NOD2: variants seen among roughly 807,000 people sequenced by gnomAD.
NOD2 encodes the protein nucleotide-binding oligomerization domain-containing protein 2.
A neutral mutation model predicts 90.9 loss-of-function variants in NOD2; 86 were observed. That is an observed-to-expected ratio of 0.95 (90% CI 0.79 to 1.13). The LOEUF (loss-of-function observed/expected upper bound fraction) is 1.13. Among genes scored for constraint, NOD2 ranks in the 50% most tolerant of loss-of-function variants. The pLI is 0.00. For synonymous variants in NOD2, 581 were observed against 554.6 expected (o/e 1.05, Z -0.67); for missense variants, 1,238 against 1,283.8 (o/e 0.96, Z 0.55).
chr16:50,708,600 G>T (rs1722250250), intron 3 of NOD2, among the ~76,000 whole-genome samples: 1 of 152,196 alleles, frequency 6.6e-6, no homozygotes, highest in East Asian at 1.9e-4. Flanking sequence ...ATTGTAAATT[G>T]TCCCCACCTA....
chr16:50,730,548 T>A (rs1193535913), intron 11 of NOD2, among the ~76,000 whole-genome samples: 1 of 152,232 alleles, frequency 6.6e-6, no homozygotes, highest in Non-Finnish European at 1.5e-5. Context: ...CCTAATGTGC[T>A]GTAAGTGAAT....
At chr16:50,717,557 C>G (rs376755830) in intron 6 of NOD2, among the ~76,000 whole-genome samples, 6 of 152,308 alleles carry the variant, frequency 3.9e-5, no homozygotes, top group South Asian at 4.1e-4. Flanking sequence ...ATATTCTTGC[C>G]TCCTGTGATT....
At chr16:50,729,932 C>T in intron 11 of NOD2, 31 bp downstream of exon 11, 1 of 1,533,916 alleles carries the variant, frequency 6.5e-7, no homozygotes, top group South Asian at 1.1e-5. Flanking sequence ...TGTTTTAGCT[C>T]TCCGAACCTC....
chr16:50,713,326 A>G (rs530853321), intron 4 of NOD2: 2 of 152,252 alleles, frequency 1.3e-5, no homozygotes, highest in Admixed American at 6.5e-5. Flanking sequence ...CCACTTCCTG[A>G]GAGTATTAGG....
intron 7 of NOD2, among the ~76,000 whole-genome samples, chr16:50,721,652 C>T (rs1289941591): frequency 6.6e-6 from 1 of 151,972 alleles, no homozygotes; most frequent in African/African-American, 2.4e-5. Context: ...GCCACCATGC[C>T]TGGCCGATAT....
At chr16:50,716,813 G>C in intron 5 of NOD2, 78 bp from the exon 6 acceptor site, 1 of 1,516,704 alleles carries the variant, frequency 6.6e-7, no homozygotes, top group Non-Finnish European at 9.2e-7. Context: ...GCCCAGAGGG[G>C]AAGGGCAACC....
In NOD2 at chr16:50,716,942, C is replaced by T; in HGVS notation, c.2517C>T (p.Leu839=). 1 of 1,614,232 alleles carries T rather than the reference C, an allele frequency of 6.2e-7. No individual in the cohort carries two copies. The highest frequency in any genetic ancestry group is 1.6e-4 in the Middle Eastern group (1 of 6,062). Residue 839 remains leucine (L), a synonymous_variant, in exon 6 of 12, where the codon CTC becomes CTT. Transcript: ENST00000647318. ...GCTGTGCACACTCCATGGCTAAGCT[C>T]CTTGCATGCAGGCAGAACTTCTTGG... is the stretch of plus-strand genomic sequence containing the variant. ...TDGCAHSMAK[L]LACRQNFLAL...
intron 3 of NOD2, chr16:50,709,855 TGC>T: frequency 2.3e-6 from 1 of 431,158 alleles, no homozygotes; most frequent in Non-Finnish European, 4.7e-6. Flanking sequence ...TTTGAGAGTT[TGC>T]CATGTCAGAT....
At chr16:50,695,787 G>A (rs1004398596) in intron 1 of NOD2, among the ~76,000 whole-genome samples, 2 of 152,006 alleles carry the variant, frequency 1.3e-5, no homozygotes, top group Non-Finnish European at 2.9e-5. Context: ...GAGCAAGCAG[G>A]CTGAGGGCTG....
rs367632486 is a variant in NOD2, at chr16:50,726,997, G to A, written c.2885+1425G>A. 1.4e-4 allele frequency among the ~76,000 whole-genome samples: 21 copies of A among 152,014 alleles called. No homozygotes were observed. In the South Asian group the frequency reaches 1.7e-3, roughly 12 times the overall value. ...CTCTACTAAAAATACAAAATTAGCCGGGCGTGGTGGCATACACCTGTAATC... is the reference window on the plus strand; with the variant it reads ...CTCTACTAAAAATACAAAATTAGCCAGGCGTGGTGGCATACACCTGTAATC... On this transcript the variant is annotated intron_variant, in intron 10 of 11. Transcript: ENST00000647318.
In NOD2 at chr16:50,716,949, T is replaced by C. The variant is rs780077950; in HGVS notation, c.2524T>C (p.Cys842Arg). 1 of 1,614,268 alleles carries C rather than the reference T, an allele frequency of 6.2e-7. No homozygotes were observed. The highest frequency in any genetic ancestry group is 1.1e-5 in the South Asian group (1 of 91,090). Residue 842 changes from cysteine (C) to arginine (R), a missense_variant, in exon 6 of 12, where the codon TGC becomes CGC. Physicochemically the swap from Cys to Arg is radical, Grantham distance 180. This residue lies in a region of NOD2 where 667 missense variants were observed against 688.7 expected (regional missense o/e 0.97). Coordinates refer to ENST00000647318, the MANE Select transcript of NOD2 (RefSeq NM_001370466.1). ...ACACTCCATGGCTAAGCTCCTTGCA[T>C]GCAGGCAGAACTTCTTGGCATTGAG... ...CAHSMAKLLA[C>R]RQNFLALRLG...
rs143131977 is a variant in NOD2 at position 50,719,451 on chromosome 16, C to T, written c.2550-474C>T. On this transcript the variant is annotated intron_variant, in intron 6 of 11. Transcript: ENST00000647318. ...TTGGCCCTCCCTCTCTCCTTCCTTTCTGGAAGGCTCAGTGGGCCCCACCCC... is the reference window on the plus strand; with the variant it reads ...TTGGCCCTCCCTCTCTCCTTCCTTTTTGGAAGGCTCAGTGGGCCCCACCCC... 4.2e-4 allele frequency among the ~76,000 whole-genome samples: 64 copies of T among 152,186 alleles called. No homozygotes were observed. The South Asian group carries it at 5.0e-3, about 12-fold the overall frequency.
chr16:50,716,398 C>T (rs1964794466), intron 4 of NOD2, among the ~76,000 whole-genome samples, 189 bp from the exon 5 acceptor site: 1 of 152,288 alleles, frequency 6.6e-6, no homozygotes, highest in Middle Eastern at 3.4e-3. Context: ...CATCATAGTG[C>T]ACCACGTCAC....
intron 2 of NOD2, among the ~76,000 whole-genome samples, chr16:50,706,698 C>CTTTTT (rs529592403): frequency 7.1e-6 from 1 of 140,582 alleles, no homozygotes. Context: ...CTATTTCTTT[C>CTTTTT]TTTTTTTTTT....
Position 50,708,107 on chromosome 16 carries a change from AC to A in NOD2, c.565+151del. 1.9e-5 allele frequency: 13 copies of A among 695,826 alleles called. 1 individual carries two copies. Among genetic ancestry groups the A allele is most frequent in the South Asian group, 1.6e-4 (11 of 66,752 alleles). The allele number at this position is 695,826 out of a possible 1,614,324, so 43.1% of individuals were successfully genotyped here. A position where few individuals can be genotyped will look rare whatever the true frequency, so the allele number is the denominator to read the frequency against. On this transcript the variant is annotated intron_variant, in intron 3 of 11. Coordinates refer to ENST00000647318, the MANE Select transcript of NOD2 (RefSeq NM_001370466.1). ...ATTTCCTTGTTTTAAGGCTAGCACC[AC>A]CCCGTCTCATTGGGATTTTGGGAGC...
At chr16:50,709,795 ATTG>A (rs1964375703) in intron 3 of NOD2, 3 of 370,926 alleles carry the variant, frequency 8.1e-6, no homozygotes, top group African/African-American at 2.1e-5. Context: ...TTGAGGGTCT[ATTG>A]TTGTGCCTAC....
intron 1 of NOD2, 147 bp downstream of exon 1, chr16:50,693,809 T>C (rs1006666041): frequency 1.3e-5 from 2 of 151,658 alleles, no homozygotes; most frequent in African/African-American, 4.9e-5. Context: ...CCTGGGGGAG[T>C]CCCAGAATGT....
intron 3 of NOD2, among the ~76,000 whole-genome samples, chr16:50,710,353 C>G (rs1186578007): frequency 6.6e-6 from 1 of 152,248 alleles, no homozygotes; most frequent in Non-Finnish European, 1.5e-5. Context: ...TTTCTCCCAC[C>G]TTACAGAGGT....
chr16:50,699,361 G>A, intron 1 of NOD2, 127 bp from the exon 2 acceptor site: 1 of 751,786 alleles, frequency 1.3e-6, no homozygotes, highest in East Asian at 2.5e-5. Flanking sequence ...GCTTGGATTG[G>A]GTAATGTCTG....
Sources: allele counts gnomAD v4.1 joint callset (sites outside exome capture counted in the v4.1 genomes callset), GRCh38; gene constraint gnomAD v4.1.1; regional missense constraint gnomAD v4.1.1; transcripts MANE v1.5; gene names NCBI Gene and HGNC (gene_info 2026-07-23, HGNC 2026-07-21).